The following MYCT1 variants were observed in gnomAD, a reference collection of about 807,000 sequenced individuals.
MYCT1 encodes the protein MYC target 1, also known as myc target protein 1.
In MYCT1, 12 loss-of-function variants were observed where a neutral mutation model predicts 15.0. The ratio of observed to expected loss-of-function variants is 0.80; its 90% CI spans 0.51 to 1.29. The LOEUF is 1.29. Among genes scored for constraint, MYCT1 ranks in the 50% most tolerant of loss-of-function variants. The probability of loss-of-function intolerance (pLI) is 0.00; values close to 1 mark genes in which losing one functional copy is unlikely to be tolerated. For missense variants in MYCT1, 287 were observed against 279.1 expected (o/e 1.03, Z -0.20); for synonymous variants, 104 against 102.7 (o/e 1.01, Z -0.07).
At chr6:152,717,676 A>C (rs1384510865) in intron 1 of MYCT1, among the ~76,000 whole-genome samples, 3 of 152,120 alleles carry the variant, frequency 2.0e-5, no homozygotes, top group Non-Finnish European at 4.4e-5. Context: ...GTGGAAATGT[A>C]AGTCCAATTA....
Position 152,724,274 on chromosome 6 carries a change from C to G in MYCT1, c.*2021C>G, listed in dbSNP as rs1303351036. The G allele has an allele frequency of 7.1e-6, 1 of 141,520 alleles. No homozygotes were observed. The highest frequency in any genetic ancestry group is 1.5e-5 in the Non-Finnish European group (1 of 65,974). The allele number at this position is 141,520 out of a possible 1,614,324, so 8.8% of individuals were successfully genotyped here. ...TTTACTTGCATGTCATCCTTAATGTCTAACATGAAAAATCAGCAAAGAGTA... is the reference window on the plus strand; with the variant it reads ...TTTACTTGCATGTCATCCTTAATGTGTAACATGAAAAATCAGCAAAGAGTA... On this transcript the variant is annotated 3_prime_UTR_variant, in exon 2 of 2. Coordinates refer to ENST00000367245, the MANE Select transcript of MYCT1 (RefSeq NM_025107.3).
intron 1 of MYCT1, among the ~76,000 whole-genome samples, chr6:152,717,424 C>T (rs1449958862): frequency 6.6e-6 from 1 of 151,904 alleles, no homozygotes; most frequent in Non-Finnish European, 1.5e-5. Context: ...TGGCTGTGTC[C>T]CCACCCAAAT....
chr6:152,704,648 A>G (rs1221585924), intron 1 of MYCT1, among the ~76,000 whole-genome samples: 3 of 152,118 alleles, frequency 2.0e-5, no homozygotes, highest in Admixed American at 6.6e-5. Flanking sequence ...ACAATATATT[A>G]TTAACTGTTT....
intron 1 of MYCT1, among the ~76,000 whole-genome samples, chr6:152,715,820 C>T (rs951848982): frequency 1.2e-4 from 19 of 152,048 alleles, no homozygotes; most frequent in Non-Finnish European, 4.4e-5. Context: ...ATCTGATGTA[C>T]TTAAGGAATG....
chr6:152,727,053 T>C (rs1435470191), downstream of MYCT1, among the ~76,000 whole-genome samples: 1 of 151,758 alleles, frequency 6.6e-6, no homozygotes, highest in East Asian at 1.9e-4. Flanking sequence ...CTACTAAAAA[T>C]AAAGAAAATT....
the MYCT1 span, among the ~76,000 whole-genome samples, chr6:152,742,571 A>G: frequency 6.6e-6 from 1 of 152,152 alleles, no homozygotes; most frequent in African/African-American, 2.4e-5. Context: ...TTGGGGGAAG[A>G]TCACTTTAGC....
downstream of MYCT1, among the ~76,000 whole-genome samples, chr6:152,726,246 A>C (rs746121360): frequency 4.6e-5 from 7 of 152,064 alleles, no homozygotes; most frequent in Non-Finnish European, 1.0e-4. Context: ...AAAATACAAA[A>C]TTAGCCAGGC....
chr6:152,734,981 C>T, the MYCT1 span, among the ~76,000 whole-genome samples: 2 of 152,278 alleles, frequency 1.3e-5, no homozygotes, highest in South Asian at 2.1e-4. Context: ...TATGCCAGAT[C>T]CCTAATCTAC....
chr6:152,737,307 G>C, the MYCT1 span, among the ~76,000 whole-genome samples: 6 of 151,818 alleles, frequency 4.0e-5, no homozygotes, highest in African/African-American at 1.5e-4. Context: ...GCTAGATCAT[G>C]AGAATAAAAT....
At chr6:152,729,459 GA>G (rs2099726187), downstream of MYCT1, among the ~76,000 whole-genome samples, 1 of 152,096 alleles carries the variant, frequency 6.6e-6, no homozygotes, top group African/African-American at 2.4e-5. Context: ...ACATAAGTAT[GA>G]AAAATTTCAA....
At chr6:152,733,969 T>C in the MYCT1 span, among the ~76,000 whole-genome samples, 471 of 152,092 alleles carry the variant, frequency 3.1e-3, 5 homozygotes, top group African/African-American at 0.011. Flanking sequence ...TGCTTCTGCT[T>C]GTTAACATTT....
the MYCT1 span, among the ~76,000 whole-genome samples, chr6:152,746,688 G>C: frequency 6.6e-6 from 1 of 152,160 alleles, no homozygotes; most frequent in Non-Finnish European, 1.5e-5. Flanking sequence ...AGTATTGTGT[G>C]TTCCTGTGAT....
the MYCT1 span, among the ~76,000 whole-genome samples, chr6:152,735,698 T>G: frequency 6.6e-6 from 1 of 152,162 alleles, no homozygotes; most frequent in Non-Finnish European, 1.5e-5. Context: ...CTTTTCTGTT[T>G]TAATATAAAT....
At chr6:152,735,367 A>T in the MYCT1 span, among the ~76,000 whole-genome samples, 1 of 152,204 alleles carries the variant, frequency 6.6e-6, no homozygotes, top group African/African-American at 2.4e-5. Flanking sequence ...ATTTCATAAT[A>T]AATAAGATCT....
At chr6:152,720,411 G>T (rs377090994) in intron 1 of MYCT1, among the ~76,000 whole-genome samples, 1 of 152,158 alleles carries the variant, frequency 6.6e-6, no homozygotes, top group East Asian at 1.9e-4. Flanking sequence ...ACAGCAAAAC[G>T]TTTGTGGCTA....
downstream of MYCT1, among the ~76,000 whole-genome samples, chr6:152,727,739 C>T (rs578123371): frequency 4.9e-4 from 75 of 152,230 alleles, no homozygotes; most frequent in African/African-American, 1.7e-3. Flanking sequence ...GTGACAAATC[C>T]CTGCTCCCAA....
rs557712597 is a variant in MYCT1 at position 152,698,096 on chromosome 6, G to T, written c.194G>T (p.Trp65Leu). Residue 65 changes from tryptophan (W) to leucine (L), a missense_variant and splice_region_variant, in exon 1 of 2, where the codon TGG becomes TTG. Physicochemically the swap from Trp to Leu is moderately conservative, Grantham distance 61 (BLOSUM62 -2). Coordinates refer to ENST00000367245, the MANE Select transcript of MYCT1 (RefSeq NM_025107.3). ...SLGSPWPENFWEDLIMSFTVS... is the reference protein window; with the variant it reads ...SLGSPWPENFLEDLIMSFTVS... ...GGGAGTCCATGGCCAGAAAACTTTT[G>T]GGGTAAGGTATTTTCTTTTACTGTT... 10 of 1,540,162 alleles carry T rather than the reference G, an allele frequency of 6.5e-6. No homozygotes were observed. The highest frequency in any genetic ancestry group is 3.7e-4 in the Middle Eastern group (2 of 5,418).
At chr6:152,702,536 T>C (rs1322074640) in intron 1 of MYCT1, among the ~76,000 whole-genome samples, 1 of 152,118 alleles carries the variant, frequency 6.6e-6, no homozygotes, top group Admixed American at 6.6e-5. Flanking sequence ...TCAAGTGCTG[T>C]CAAGAGGAGG....
At chr6:152,725,500 G>A (rs1023559560), downstream of MYCT1, among the ~76,000 whole-genome samples, 10 of 152,124 alleles carry the variant, frequency 6.6e-5, no homozygotes, top group Non-Finnish European at 1.2e-4. Context: ...TGGCCAGGCT[G>A]GTCTCAAACT....
Sources: gnomAD v4.1 joint callset for allele counts (sites outside exome capture counted in the v4.1 genomes callset) on GRCh38, gnomAD v4.1.1 for gene constraint, MANE v1.5 for transcripts, NCBI Gene and HGNC (gene_info 2026-07-23, HGNC 2026-07-21) for gene names.